The following DIAPH2 variants were observed in gnomAD, a reference collection of about 807,000 sequenced individuals.
The protein encoded by DIAPH2 is protein diaphanous homolog 2.
In DIAPH2, 35 loss-of-function variants were observed where a neutral mutation model predicts 92.7. That is an observed-to-expected ratio of 0.38 (90% CI 0.29 to 0.50). The LOEUF is 0.50. Among genes scored for constraint, DIAPH2 ranks in the 20% least tolerant of loss-of-function variants. The pLI is 0.94. For missense variants in DIAPH2, 701 were observed against 819.5 expected (o/e 0.86, Z 1.77); for synonymous variants, 301 against 280.4 (o/e 1.07, Z -0.73).
intron 13 of DIAPH2, among the ~76,000 whole-genome samples, chrX:96,944,299 T>C (rs1259194454): frequency 1.8e-5 from 2 of 112,137 alleles, no homozygotes; most frequent in Non-Finnish European, 3.8e-5. Flanking sequence ...TTCTTTGACT[T>C]CGTCATTTCC....
intron 23 of DIAPH2, among the ~76,000 whole-genome samples, chrX:97,274,056 T>TAG (rs1330141580): frequency 4.1e-5 from 4 of 97,236 alleles, no homozygotes; most frequent in African/African-American, 7.5e-5. Flanking sequence ...TGTGTGTGTA[T>TAG]AGAGAGAGAG....
intron 20 of DIAPH2, among the ~76,000 whole-genome samples, chrX:97,107,956 T>A (rs1266919605): frequency 9.1e-6 from 1 of 110,238 alleles, no homozygotes; most frequent in Non-Finnish European, 1.9e-5. Context: ...GAGTGCCATG[T>A]GGCCATCTCC....
intron 26 of DIAPH2, among the ~76,000 whole-genome samples, chrX:97,579,860 G>A (rs1045292030): frequency 3.6e-5 from 4 of 109,710 alleles, no homozygotes; most frequent in African/African-American, 1.3e-4. Context: ...GCGGTTTGTA[G>A]TTCTCCTTGA....
At chrX:96,899,938 G>A (rs1170627879) in intron 5 of DIAPH2, among the ~76,000 whole-genome samples, 1 of 109,544 alleles carries the variant, frequency 9.1e-6, no homozygotes, top group Non-Finnish European at 1.9e-5. Context: ...TTAGCATGAA[G>A]TGTTGTTGAA....
intron 20 of DIAPH2, among the ~76,000 whole-genome samples, chrX:97,104,962 C>T (rs2066929389): frequency 9.0e-6 from 1 of 111,638 alleles, no homozygotes; most frequent in East Asian, 2.8e-4. Flanking sequence ...CATGGCAAAA[C>T]CCCGTCTCTA....
chrX:97,117,855 G>A (rs1274032055), intron 21 of DIAPH2, among the ~76,000 whole-genome samples: 1 of 111,720 alleles, frequency 9.0e-6, no homozygotes, highest in African/African-American at 3.3e-5. Context: ...GTGCTGAACT[G>A]TAATAAAAAT....
At chrX:97,067,371 A>G (rs377765603) in intron 17 of DIAPH2, among the ~76,000 whole-genome samples, 1 of 112,327 alleles carries the variant, frequency 8.9e-6, no homozygotes, top group East Asian at 2.8e-4. Flanking sequence ...AGATTTATTC[A>G]TATGATTTTT....
At chrX:96,787,074 G>A (rs1337023945) in intron 4 of DIAPH2, among the ~76,000 whole-genome samples, 1 of 111,748 alleles carries the variant, frequency 8.9e-6, no homozygotes, top group Non-Finnish European at 1.9e-5. Flanking sequence ...AATAAAATAG[G>A]CAAGCAGGAA....
At chrX:96,929,248 GA>G (rs2147792387) in intron 9 of DIAPH2, among the ~76,000 whole-genome samples, 1 of 111,423 alleles carries the variant, frequency 9.0e-6, no homozygotes, top group South Asian at 3.7e-4. Context: ...AGATTTACAT[GA>G]TTTCCTGTTG....
chrX:97,316,008 C>G (rs2068836888), intron 23 of DIAPH2, among the ~76,000 whole-genome samples: 2 of 111,577 alleles, frequency 1.8e-5, no homozygotes, highest in South Asian at 7.5e-4. Flanking sequence ...GCCCAAGTTT[C>G]TTTATGTAAT....
chrX:96,934,343 A>G (rs1040924135), intron 10 of DIAPH2, among the ~76,000 whole-genome samples: 1 of 111,527 alleles, frequency 9.0e-6, no homozygotes, highest in Non-Finnish European at 1.9e-5. Context: ...TCTTTTTTTT[A>G]TATCCAGTTC....
chrX:97,433,942 G>A (rs1156751529), intron 26 of DIAPH2, among the ~76,000 whole-genome samples: 1 of 111,764 alleles, frequency 8.9e-6, no homozygotes, highest in Non-Finnish European at 1.9e-5. Flanking sequence ...AATAATAATG[G>A]AGGAAAAGAC....
At chrX:97,306,738 G>A (rs1053117691) in intron 23 of DIAPH2, among the ~76,000 whole-genome samples, 3 of 111,644 alleles carry the variant, frequency 2.7e-5, no homozygotes, top group Admixed American at 9.6e-5. Flanking sequence ...TCATTTCCTC[G>A]TGAGTATTTG....
chrX:96,783,464 T>G (rs1027069320), intron 4 of DIAPH2, among the ~76,000 whole-genome samples: 3 of 112,288 alleles, frequency 2.7e-5, no homozygotes, highest in Non-Finnish European at 5.6e-5. Flanking sequence ...CACTGGCAGA[T>G]GCAAACTAGA....
intron 4 of DIAPH2, among the ~76,000 whole-genome samples, chrX:96,780,427 A>G (rs1473689238): frequency 9.0e-6 from 1 of 111,693 alleles, no homozygotes; most frequent in Non-Finnish European, 1.9e-5. Context: ...TTTTAAATGC[A>G]TTTGTATTTG....
At chrX:96,856,752 C>G (rs1343213514) in intron 4 of DIAPH2, among the ~76,000 whole-genome samples, 1 of 110,399 alleles carries the variant, frequency 9.1e-6, no homozygotes, top group Non-Finnish European at 1.9e-5. Context: ...AAAATGTGGT[C>G]TTGGCCGGGC....
At chrX:97,215,444 G>A (rs1457107392) in intron 22 of DIAPH2, among the ~76,000 whole-genome samples, 1 of 111,849 alleles carries the variant, frequency 8.9e-6, no homozygotes, top group Non-Finnish European at 1.9e-5. Context: ...TCTAACCATC[G>A]GTAGCTTTGT....
intron 22 of DIAPH2, among the ~76,000 whole-genome samples, chrX:97,157,071 T>C (rs905189548): frequency 9.0e-6 from 1 of 111,099 alleles, no homozygotes; most frequent in African/African-American, 3.3e-5. Flanking sequence ...TCCCAGCACT[T>C]TGGGAGACCG....
At chrX:97,147,546 G>A (rs1569312939) in intron 22 of DIAPH2, among the ~76,000 whole-genome samples, 2 of 110,418 alleles carry the variant, frequency 1.8e-5, no homozygotes, top group African/African-American at 6.6e-5. Context: ...AACCACTCCT[G>A]TTTTATAGGT....
Sources: gnomAD v4.1 joint callset for allele counts (sites outside exome capture counted in the v4.1 genomes callset) on GRCh38, gnomAD v4.1.1 for gene constraint, MANE v1.5 for transcripts, NCBI Gene and HGNC (gene_info 2026-07-23, HGNC 2026-07-21) for gene names.